The following ZBBX variants were observed in gnomAD, a reference collection of about 807,000 sequenced individuals.
ZBBX encodes zinc finger B-box domain containing, also known as zinc finger B-box domain-containing protein 1.
ZBBX carries 101 observed loss-of-function variants against 108.5 expected under a neutral mutation model. That is an observed-to-expected ratio of 0.93 (90% CI 0.79 to 1.10). The LOEUF is 1.10. Ranked by LOEUF, ZBBX falls within the 50% of genes least tolerant of loss-of-function variation. The pLI, the probability that ZBBX is intolerant of heterozygous loss-of-function variation, is 0.00. For missense variants in ZBBX, 1,009 were observed against 941.4 expected, an observed-to-expected ratio of 1.07 and a Z score of -0.94; for synonymous variants, 356 against 323.4, an observed-to-expected ratio of 1.10 and a Z score of -1.08.
chr3:167,190,795 G>A, the ZBBX span, among the ~76,000 whole-genome samples: 3 of 152,172 alleles, frequency 2.0e-5, no homozygotes, highest in Non-Finnish European at 4.4e-5. Flanking sequence ...GAGTTGAGGT[G>A]GGGGCACAGA....
the ZBBX span, among the ~76,000 whole-genome samples, chr3:167,208,335 G>T: frequency 2.2e-3 from 342 of 152,314 alleles, no homozygotes; most frequent in Admixed American, 4.6e-3. Flanking sequence ...AGCTGAGGTG[G>T]CTAAGGAAGT....
intron 18 of ZBBX, among the ~76,000 whole-genome samples, chr3:167,290,943 G>A (rs960899675): frequency 6.6e-6 from 1 of 152,108 alleles, no homozygotes; most frequent in Admixed American, 6.5e-5. Context: ...AGATCAAGCG[G>A]AAGAAAGTAT....
intron 1 of ZBBX, among the ~76,000 whole-genome samples, chr3:167,407,158 A>T (rs960177327): frequency 1.3e-5 from 2 of 152,200 alleles, no homozygotes; most frequent in African/African-American, 4.8e-5. Context: ...CCTCAAATGA[A>T]TAAGTATAAA....
In ZBBX at chr3:167,375,450, G is replaced by A. The variant is rs544880939; in HGVS notation, c.-131-1663C>T. On this transcript the variant is annotated intron_variant, in intron 2 of 21. Coordinates refer to ENST00000675490, the MANE Select transcript of ZBBX (RefSeq NM_001199201.2). The stretch of plus-strand genomic sequence containing the variant: ...CTACTAAAAATACAAAAATTAGCCA[G>A]GCGTGGTGGCATACACTTGTAATCC... 2.0e-4 allele frequency among the ~76,000 whole-genome samples: 31 copies of A among 152,076 alleles called. 1 individual carries two copies. The highest frequency in any genetic ancestry group is 7.2e-4 in the African/African-American group (30 of 41,478).
At chr3:167,317,311 A>G (rs1220294720) in intron 13 of ZBBX, among the ~76,000 whole-genome samples, 177 bp downstream of exon 13, 1 of 152,074 alleles carries the variant, frequency 6.6e-6, no homozygotes, top group Admixed American at 6.6e-5. Context: ...AAGGCAAAGT[A>G]TATCTAGGGA....
chr3:167,296,178 A>G (rs1731661850), intron 18 of ZBBX, among the ~76,000 whole-genome samples: 1 of 152,090 alleles, frequency 6.6e-6, no homozygotes, highest in Non-Finnish European at 1.5e-5. Context: ...TTATGCAGAA[A>G]AAGTATTTGA....
chr3:167,300,914 C>G (rs76232533), intron 17 of ZBBX, among the ~76,000 whole-genome samples: 1 of 119,110 alleles, frequency 8.4e-6, no homozygotes, highest in Non-Finnish European at 1.8e-5. Flanking sequence ...CTGTGCCTGG[C>G]CTTTTTTTTT....
At chr3:167,308,196 C>A (rs1182926137) in intron 16 of ZBBX, among the ~76,000 whole-genome samples, 1 of 152,060 alleles carries the variant, frequency 6.6e-6, no homozygotes, top group Admixed American at 6.5e-5. Context: ...TGACCACAAT[C>A]CTATAAGAAG....
At chr3:167,368,631 T>G in intron 4 of ZBBX, 57 bp from the exon 5 acceptor site, 1 of 1,430,730 alleles carries the variant, frequency 7.0e-7, no homozygotes. Flanking sequence ...CCAAAATAAT[T>G]TTATATAATC....
intron 1 of ZBBX, among the ~76,000 whole-genome samples, chr3:167,400,121 T>C (rs1218715039): frequency 1.3e-5 from 2 of 152,200 alleles, no homozygotes; most frequent in African/African-American, 4.8e-5. Flanking sequence ...GAACCCTAAG[T>C]TGATTCCGTG....
intron 6 of ZBBX, 80 bp from the exon 7 acceptor site, chr3:167,360,803 G>T: frequency 1.2e-6 from 1 of 838,974 alleles, no homozygotes; most frequent in Non-Finnish European, 1.7e-6. Context: ...ATATTAGAAA[G>T]CTGTAGCTTT....
chr3:167,363,538 C>T (rs1744859670), intron 6 of ZBBX, among the ~76,000 whole-genome samples: 1 of 151,952 alleles, frequency 6.6e-6, no homozygotes, highest in Non-Finnish European at 1.5e-5. Context: ...TCTTCCTTTC[C>T]TTGGTGAAGG....
chr3:167,397,567 C>T (rs974306783), intron 1 of ZBBX, among the ~76,000 whole-genome samples: 2 of 151,592 alleles, frequency 1.3e-5, no homozygotes, highest in Non-Finnish European at 1.5e-5. Flanking sequence ...GTTGTGTTGA[C>T]CAGCAAGAAG....
At chr3:167,379,062 T>A (rs1009533616) in intron 2 of ZBBX, among the ~76,000 whole-genome samples, 1 of 152,220 alleles carries the variant, frequency 6.6e-6, no homozygotes, top group Non-Finnish European at 1.5e-5. Flanking sequence ...AATAATGTGC[T>A]AAGTATGTAA....
intron 9 of ZBBX, among the ~76,000 whole-genome samples, chr3:167,349,329 T>C (rs1394856254): frequency 6.6e-6 from 1 of 152,106 alleles, no homozygotes; most frequent in Non-Finnish European, 1.5e-5. Context: ...TTAGACTCAC[T>C]TCTGTATCAA....
intron 4 of ZBBX, among the ~76,000 whole-genome samples, chr3:167,370,506 A>G (rs1199492121): frequency 6.6e-6 from 1 of 152,154 alleles, no homozygotes; most frequent in African/African-American, 2.4e-5. Context: ...GAGAAGAGTT[A>G]AAAAAACAAA....
intron 9 of ZBBX, among the ~76,000 whole-genome samples, chr3:167,345,117 G>T (rs747183502): frequency 6.6e-6 from 1 of 151,684 alleles, no homozygotes. Context: ...ACAGTTTTAC[G>T]CTATTTCAGG....
chr3:167,256,180 T>A (rs77618339), intron 20 of ZBBX, among the ~76,000 whole-genome samples: 3,921 of 152,274 alleles, frequency 0.026, 162 homozygotes, highest in African/African-American at 0.089. Flanking sequence ...TATGTATATG[T>A]ACCACATTTT....
At chr3:167,220,456 A>G in the ZBBX span, among the ~76,000 whole-genome samples, 5 of 152,122 alleles carry the variant, frequency 3.3e-5, no homozygotes, top group East Asian at 9.6e-4. Flanking sequence ...AATGTGATAC[A>G]TCACATAAAC....
Sources: allele counts gnomAD v4.1 joint callset (sites outside exome capture counted in the v4.1 genomes callset), GRCh38; gene constraint gnomAD v4.1.1; transcripts MANE v1.5; gene names NCBI Gene and HGNC (gene_info 2026-07-23, HGNC 2026-07-21).